The following ADCY2 variants were observed in gnomAD, a reference collection of about 807,000 sequenced individuals.
ADCY2 encodes adenylate cyclase 2.
In ADCY2, 31 loss-of-function variants were observed where a neutral mutation model predicts 125.2. That is an observed-to-expected ratio of 0.25 (90% confidence interval 0.19 to 0.33). The LOEUF is 0.33. Among genes scored for constraint, ADCY2 ranks in the 10% least tolerant of loss-of-function variants. ADCY2 has a pLI of 1.00. For missense variants in ADCY2, 904 were observed against 1,418.2 expected (o/e 0.64, Z 5.82); for synonymous variants, 512 against 548.4 (o/e 0.93, Z 0.93).
rs140619255 is a variant in ADCY2, at chr5:7,778,605, A to T, written c.2384+5504A>T. ...CCAGCCTTAGCAACAGCCTCCTATC[A>T]GGAAGAGCATTGGAGATGCTTGGAC... On this transcript the variant is annotated intron_variant, in intron 18 of 24. Transcript: ENST00000338316. 2.0e-5 allele frequency among the ~76,000 whole-genome samples: 3 copies of T among 152,358 alleles called. No homozygotes were observed. The East Asian group carries it at 5.8e-4, about 29-fold the overall frequency.
At chr5:7,458,184 T>A (rs1741775039) in intron 2 of ADCY2, among the ~76,000 whole-genome samples, 1 of 152,202 alleles carries the variant, frequency 6.6e-6, no homozygotes. Context: ...GACAGCATGG[T>A]AAGTAAAAGA....
At chr5:7,447,479 G>C (rs1235789248) in intron 2 of ADCY2, among the ~76,000 whole-genome samples, 1 of 152,210 alleles carries the variant, frequency 6.6e-6, no homozygotes, top group African/African-American at 2.4e-5. Context: ...GGCCTGTCCA[G>C]CTCTGTGCTG....
At position 7,479,955 on chromosome 5, in the gene ADCY2, C is replaced by T. The variant is rs147812105; in HGVS notation, c.409-40783C>T. Among the ~76,000 whole-genome samples the T allele has an allele frequency of 4.8e-3, 730 of 152,174 alleles. 7 individuals carry two copies. The highest frequency in any genetic ancestry group is 0.017 in the African/African-American group (697 of 41,522). On this transcript the variant is annotated intron_variant, in intron 2 of 24. Coordinates refer to ENST00000338316, the MANE Select transcript of ADCY2 (RefSeq NM_020546.3). ...ACCCCATTAAAAATTGGGAAAAGGA[C>T]ATGAACAGATACTTTTCAAAAGAAG... is the stretch of plus-strand genomic sequence containing the variant.
At chr5:7,743,269 C>T (rs1742495274) in intron 14 of ADCY2, among the ~76,000 whole-genome samples, 1 of 151,934 alleles carries the variant, frequency 6.6e-6, no homozygotes, top group Non-Finnish European at 1.5e-5. Flanking sequence ...AACTTGAGGA[C>T]TTCCAGGCTA....
chr5:7,548,993 GT>G (rs887251410), intron 3 of ADCY2, among the ~76,000 whole-genome samples: 1 of 152,188 alleles, frequency 6.6e-6, no homozygotes, highest in Non-Finnish European at 1.5e-5. Context: ...TACAGGTGGT[GT>G]TTTTGGAGGC....
rs761978082 is a variant in ADCY2 at position 7,709,369 on chromosome 5, C to T, written c.1560C>T (p.Asn520=). The T allele has an allele frequency of 4.9e-5, 79 of 1,604,990 alleles. No individual in the cohort carries two copies. In the Middle Eastern group the frequency reaches 5.0e-4, roughly 10 times the overall value. The change falls in exon 10 of 25, where the codon AAC becomes AAT. Residue 520 remains asparagine, a synonymous_variant. Coordinates refer to ENST00000338316, the MANE Select transcript of ADCY2 (RefSeq NM_020546.3). This position sits in a 1 kb window ranked among gnomAD's most constrained non-coding sequence, Gnocchi z 4.4. ...LHHRDSMTTE[N]GKISTTDVPM... ...ACAGGGACAGCATGACCACAGAGAA[C>T]GGCAAGATCAGCACCACGGTATGCC...
intron 2 of ADCY2, among the ~76,000 whole-genome samples, chr5:7,473,400 A>G (rs1362932785): frequency 6.6e-6 from 1 of 152,030 alleles, no homozygotes; most frequent in African/African-American, 2.4e-5. Context: ...CTTTTGAACA[A>G]GTAGCTGTGG....
chr5:7,701,455 A>G (rs973589911), intron 7 of ADCY2, among the ~76,000 whole-genome samples: 3 of 152,262 alleles, frequency 2.0e-5, no homozygotes, highest in African/African-American at 4.8e-5. Context: ...GTGATAAAAT[A>G]TGTATACCCT....
intron 4 of ADCY2, among the ~76,000 whole-genome samples, chr5:7,654,993 T>G (rs1247225859): frequency 1.3e-5 from 2 of 152,160 alleles, no homozygotes; most frequent in African/African-American, 2.4e-5. Context: ...TGTTTCAAAT[T>G]TTAGATGCCC....
intron 2 of ADCY2, among the ~76,000 whole-genome samples, chr5:7,444,946 A>G (rs1741182250): frequency 6.6e-6 from 1 of 152,056 alleles, no homozygotes. Context: ...CCGTTATTGG[A>G]TTAGGTTGTT....
At chr5:7,824,349 A>G (rs1745400096) in intron 24 of ADCY2, among the ~76,000 whole-genome samples, 1 of 152,174 alleles carries the variant, frequency 6.6e-6, no homozygotes, top group Non-Finnish European at 1.5e-5. Flanking sequence ...CCGGTTTCCC[A>G]TTAATCATGC....
intron 2 of ADCY2, among the ~76,000 whole-genome samples, chr5:7,428,256 C>A (rs1023996058): frequency 6.6e-6 from 1 of 152,180 alleles, no homozygotes; most frequent in East Asian, 1.9e-4. Context: ...CTCCAGCCAT[C>A]TGAAACACAG....
intron 7 of ADCY2, among the ~76,000 whole-genome samples, chr5:7,702,225 CTTTTTTTTT>C (rs67174135): frequency 7.6e-6 from 1 of 131,164 alleles, no homozygotes; most frequent in Admixed American, 7.6e-5. Flanking sequence ...AACCCTGTTT[CTTTTTTTTT>C]TTTTTTTTTT....
chr5:7,744,115 A>G (rs964443796), intron 15 of ADCY2, among the ~76,000 whole-genome samples: 2 of 152,146 alleles, frequency 1.3e-5, no homozygotes, highest in Non-Finnish European at 2.9e-5. Context: ...TAAAACTAAC[A>G]CAGGAGCAGA....
intron 3 of ADCY2, among the ~76,000 whole-genome samples, chr5:7,599,212 T>C (rs1561118439): frequency 1.3e-5 from 2 of 152,218 alleles, no homozygotes; most frequent in South Asian, 2.1e-4. Flanking sequence ...CAAGGACAGA[T>C]AGATTTGAGT....
chr5:7,516,298 T>A (rs1172709531), intron 2 of ADCY2, among the ~76,000 whole-genome samples: 7 of 152,168 alleles, frequency 4.6e-5, no homozygotes, highest in Non-Finnish European at 4.4e-5. Flanking sequence ...AATTGCAGAG[T>A]ATTATATATA....
intron 4 of ADCY2, among the ~76,000 whole-genome samples, chr5:7,642,370 A>G (rs1738742290): frequency 6.6e-6 from 1 of 151,948 alleles, no homozygotes; most frequent in South Asian, 2.1e-4. Flanking sequence ...TAATGGGATT[A>G]TTTGTTTTTT....
At chr5:7,807,275 G>A (rs999166059) in intron 22 of ADCY2, among the ~76,000 whole-genome samples, 11 of 152,010 alleles carry the variant, frequency 7.2e-5, no homozygotes, top group African/African-American at 9.7e-5. Context: ...CTTCCTTTCC[G>A]CAGCCACGCT....
At chr5:7,677,318 T>C (rs1740165550) in intron 4 of ADCY2, among the ~76,000 whole-genome samples, 1 of 152,028 alleles carries the variant, frequency 6.6e-6, no homozygotes, top group African/African-American at 2.4e-5. Flanking sequence ...AAGAAATTAC[T>C]TAACCCTTGG....
Sources: gnomAD v4.1 joint callset for allele counts (sites outside exome capture counted in the v4.1 genomes callset) on GRCh38, gnomAD v4.1.1 for gene constraint, Gnocchi (gnomAD v3.1) non-coding constraint, MANE v1.5 for transcripts, NCBI Gene and HGNC (gene_info 2026-07-23, HGNC 2026-07-21) for gene names.